The following STIM1 variants were observed in gnomAD, a reference collection of about 807,000 sequenced individuals.
The protein encoded by STIM1 is stromal interaction molecule 1.
Under a neutral mutation model 74.7 loss-of-function variants are expected in STIM1, and 25 were observed. That is an observed-to-expected ratio of 0.33 (90% CI 0.24 to 0.47). The LOEUF is 0.47. STIM1 is among the 20% of genes least tolerant of loss of function. The pLI is 1.00. For synonymous variants in STIM1, 328 were observed against 348.8 expected (o/e 0.94, Z 0.66); for missense variants, 728 against 920.8 (o/e 0.79, Z 2.71).
chr11:3,892,394 A>T, intron 1 of STIM1: 1 of 1,427,534 alleles, frequency 7.0e-7, no homozygotes, highest in Non-Finnish European at 9.8e-7. Context: ...CAAACTTATT[A>T]AGAGTTGTCC....
chr11:4,007,256 C>G (rs879813580), intron 2 of STIM1, among the ~76,000 whole-genome samples: 3 of 152,132 alleles, frequency 2.0e-5, no homozygotes, highest in Non-Finnish European at 4.4e-5. Context: ...TGGGGAGCCT[C>G]CTTAGGTATT....
chr11:3,997,982 T>C (rs999311035), intron 2 of STIM1, among the ~76,000 whole-genome samples: 2 of 152,172 alleles, frequency 1.3e-5, no homozygotes, highest in African/African-American at 4.8e-5. Flanking sequence ...TTAGAAAATA[T>C]CCGTTTTCTA....
intron 2 of STIM1, chr11:3,974,144 C>G: frequency 1.6e-6 from 1 of 638,238 alleles, no homozygotes; most frequent in African/African-American, 1.8e-5. Flanking sequence ...CAGAATGGCT[C>G]ATTGGACCCT....
intron 2 of STIM1, among the ~76,000 whole-genome samples, chr11:4,006,128 C>G (rs112968826): frequency 3.9e-5 from 6 of 152,128 alleles, no homozygotes; most frequent in South Asian, 2.1e-4. Context: ...GTGATGTTCT[C>G]ATGAATTGTT....
intron 2 of STIM1, among the ~76,000 whole-genome samples, chr11:4,001,237 G>T (rs1281290009): frequency 6.7e-6 from 1 of 149,858 alleles, no homozygotes; most frequent in African/African-American, 2.4e-5. Context: ...TACAGAGAAC[G>T]CCACAAAGAT....
At chr11:4,013,590 C>T (rs571240985) in intron 2 of STIM1, among the ~76,000 whole-genome samples, 95 of 149,658 alleles carry the variant, frequency 6.3e-4, no homozygotes, top group Non-Finnish European at 9.8e-4. Flanking sequence ...CCTGTGGGAT[C>T]GGTGGCGATA....
chr11:3,953,683 A>G (rs1043503311), intron 1 of STIM1, among the ~76,000 whole-genome samples: 15 of 152,082 alleles, frequency 9.9e-5, no homozygotes, highest in African/African-American at 3.4e-4. Context: ...CAATTCTGCC[A>G]TTTAGAGTCT....
At chr11:3,870,967 G>A (rs542892544) in intron 1 of STIM1, among the ~76,000 whole-genome samples, 1 of 149,444 alleles carries the variant, frequency 6.7e-6, no homozygotes, top group Non-Finnish European at 1.5e-5. Flanking sequence ...CTGCCTCCTG[G>A]GTTCAAGCGA....
chr11:3,900,959 G>A (rs1444300732), intron 1 of STIM1, among the ~76,000 whole-genome samples: 9 of 152,232 alleles, frequency 5.9e-5, no homozygotes, highest in Non-Finnish European at 1.2e-4. Context: ...GGGAGGCTGA[G>A]GCAGTCGGAT....
intron 1 of STIM1, among the ~76,000 whole-genome samples, chr11:3,870,196 T>C (rs2091030221): frequency 6.6e-6 from 1 of 152,184 alleles, no homozygotes; most frequent in Non-Finnish European, 1.5e-5. Flanking sequence ...CCTAAAGTCA[T>C]ACAGTAACTC....
At position 4,026,633 on chromosome 11, in the gene STIM1, G is replaced by A. The variant is rs78954175; in HGVS notation, c.385+2646G>A. Among the ~76,000 whole-genome samples the A allele has an allele frequency of 4.1e-3, 621 of 152,230 alleles. 13 individuals carry two copies. The highest frequency in any genetic ancestry group is 0.032 in the East Asian group (165 of 5,172). On this transcript the variant is annotated intron_variant, in intron 3 of 12. Coordinates refer to ENST00000526596, the MANE Select transcript of STIM1 (RefSeq NM_001382567.1). ...TTCATGCATTACCATGGCCTTCTCA[G>A]GTTTGATAATTAACTAGGACTACTC...
chr11:3,857,571 A>T (rs1322066640), intron 1 of STIM1, among the ~76,000 whole-genome samples: 5 of 151,910 alleles, frequency 3.3e-5, no homozygotes, highest in Admixed American at 1.3e-4. Flanking sequence ...AAGGCTTACG[A>T]GATCAGTTCT....
At chr11:3,881,903 C>T (rs1590522034) in intron 1 of STIM1, among the ~76,000 whole-genome samples, 1 of 150,082 alleles carries the variant, frequency 6.7e-6, no homozygotes, top group East Asian at 2.0e-4. Flanking sequence ...AACTCCTGAC[C>T]TCAGGTGATC....
chr11:3,934,251 G>C (rs1302064822), intron 1 of STIM1, among the ~76,000 whole-genome samples: 1 of 151,680 alleles, frequency 6.6e-6, no homozygotes, highest in Non-Finnish European at 1.5e-5. Context: ...TTCTTCTGGA[G>C]ACTTTGCAGT....
intron 1 of STIM1, among the ~76,000 whole-genome samples, chr11:3,864,309 A>G (rs1352581481): frequency 6.6e-6 from 1 of 152,174 alleles, no homozygotes; most frequent in African/African-American, 2.4e-5. Context: ...TAAAATAATA[A>G]GTATTTATTA....
intron 3 of STIM1, among the ~76,000 whole-genome samples, chr11:4,043,717 A>G (rs1302653526): frequency 2.6e-5 from 4 of 152,134 alleles, no homozygotes; most frequent in Non-Finnish European, 5.9e-5. Flanking sequence ...AGATTATGTC[A>G]TTAAAAAGAT....
intron 11 of STIM1, among the ~76,000 whole-genome samples, chr11:4,085,620 T>G (rs2094489356): frequency 6.6e-6 from 1 of 152,242 alleles, no homozygotes; most frequent in Non-Finnish European, 1.5e-5. Context: ...CTCTTTTCTG[T>G]GAAATTTTTT....
intron 1 of STIM1, among the ~76,000 whole-genome samples, chr11:3,860,055 T>C (rs1439773294): frequency 6.6e-6 from 1 of 152,230 alleles, no homozygotes; most frequent in East Asian, 1.9e-4. Flanking sequence ...CCTTCCCTCA[T>C]GGAAGTTACA....
intron 2 of STIM1, among the ~76,000 whole-genome samples, chr11:4,006,552 T>G (rs1160480328): frequency 6.6e-6 from 1 of 152,120 alleles, no homozygotes; most frequent in Non-Finnish European, 1.5e-5. Context: ...GTAGCTGGGA[T>G]TACAGGCACA....
Sources: gnomAD v4.1 joint callset for allele counts (sites outside exome capture counted in the v4.1 genomes callset) on GRCh38, gnomAD v4.1.1 for gene constraint, MANE v1.5 for transcripts, NCBI Gene and HGNC (gene_info 2026-07-23, HGNC 2026-07-21) for gene names.